ZNF608: variants seen among roughly 807,000 people sequenced by gnomAD.
ZNF608 encodes the protein zinc finger protein 608.
ZNF608 carries 12 observed loss-of-function variants against 109.0 expected under a neutral mutation model. That is an observed-to-expected ratio of 0.11 (90% confidence interval 0.07 to 0.18). The LOEUF (loss-of-function observed/expected upper bound fraction) is 0.18, where lower values mean the gene tolerates loss of function less well. Among genes scored for constraint, ZNF608 ranks in the 10% least tolerant of loss-of-function variants. ZNF608 has a pLI of 1.00. For synonymous variants in ZNF608, 732 were observed against 717.4 expected, an observed-to-expected ratio of 1.02 and a Z score of -0.33; for missense variants, 1,707 against 1,879.3, an observed-to-expected ratio of 0.91 and a Z score of 1.70.
chr5:124,641,190 A>G, intron 8 of ZNF608, 62 bp downstream of exon 8: 1 of 1,605,982 alleles, frequency 6.2e-7, no homozygotes, highest in Non-Finnish European at 8.5e-7. Context: ...GTGAAATGCA[A>G]TTTTAGCAAC....
Position 124,648,733 on chromosome 5 carries a change from C to T in ZNF608, c.1651G>A (p.Val551Met), listed in dbSNP as rs367601820. ...TFLDQGCSSP[V>M]LIDCPHPNCN... ...TTTGGGTGGGGACAGTCGATTAACA[C>T]TGGAGAAGAGCAGCCTTGGTCCAAA... is the stretch of plus-strand genomic sequence containing the variant. The change falls in exon 5 of 10, where the codon GTG (valine) becomes ATG (methionine). Residue 551 changes from valine to methionine, a missense_variant. Physicochemically the swap from Val to Met is conservative, Grantham distance 21. Around this residue, in one of 7 missense-constraint regions of ZNF608, gnomAD observed 166 missense variants for 204.2 expected, o/e 0.81. Transcript: ENST00000513986. 3.1e-6 allele frequency: 5 copies of T among 1,614,116 alleles called. No individual in the cohort carries two copies. Among genetic ancestry groups the T allele is most frequent in the Non-Finnish European group, 4.2e-6 (5 of 1,180,060 alleles).
intron 3 of ZNF608, among the ~76,000 whole-genome samples, chr5:124,693,993 T>TGA (rs1752730340): frequency 7.2e-6 from 1 of 139,434 alleles, no homozygotes; most frequent in South Asian, 2.4e-4. Context: ...TTTTTTTTTT[T>TGA]GAGAGAGAGT....
chr5:124,741,778 C>G (rs1487065374), intron 2 of ZNF608, among the ~76,000 whole-genome samples: 8 of 152,110 alleles, frequency 5.3e-5, no homozygotes, highest in African/African-American at 1.4e-4. Flanking sequence ...TTTCTGTGTG[C>G]CAAGGATGAA....
At chr5:124,660,101 T>C (rs1457930253) in intron 3 of ZNF608, among the ~76,000 whole-genome samples, 2 of 152,168 alleles carry the variant, frequency 1.3e-5, no homozygotes, top group Non-Finnish European at 2.9e-5. Context: ...TCTGCTATTA[T>C]TCCATTCACT....
At position 124,744,618 on chromosome 5, in the gene ZNF608, C is replaced by A. The variant is rs1749567385; in HGVS notation, c.372G>T (p.Leu124Phe). The A allele has an allele frequency of 6.2e-7, 1 of 1,614,232 alleles. No individual in the cohort carries two copies. Among genetic ancestry groups the A allele is most frequent in the African/African-American group, 1.3e-5 (1 of 75,062 alleles). ...TGCTGCTGATCTCGGGAATCCCATA[C>A]AAGGCAGCAGAAGGCAGAGATTTAT... ...DANKSLPSAA[L>F]YGIPEISSTG... Residue 124 changes from leucine to phenylalanine, a missense_variant, in exon 2 of 10, where the codon TTG (leucine) becomes TTT (phenylalanine). By Grantham distance (22) the Leu-to-Phe change is conservative. Coordinates refer to ENST00000513986, the MANE Select transcript of ZNF608 (RefSeq NM_020747.3). This position sits in a 1 kb window ranked among gnomAD's most constrained non-coding sequence, Gnocchi z 4.5.
Position 124,643,552 on chromosome 5 carries a change from G to T in ZNF608, c.4255C>A (p.Leu1419Ile). The part of the protein sequence containing the change: ...TTTESKALDL[L>I]QQHANQYRSK... ...CGGTATTGGTTAGCATGCTGCTGGA[G>T]CAAATCCAGTGCTTTAGATTCAGTG... Residue 1419 changes from leucine to isoleucine, a missense_variant, in exon 7 of 10, where the codon CTC (leucine) becomes ATC (isoleucine). By Grantham distance (5) the Leu-to-Ile change is conservative. Transcript: ENST00000513986. The T allele has an allele frequency of 6.2e-7, 1 of 1,614,206 alleles. No homozygotes were observed. Among genetic ancestry groups the T allele is most frequent in the Non-Finnish European group, 8.5e-7 (1 of 1,180,034 alleles).
intron 2 of ZNF608, among the ~76,000 whole-genome samples, chr5:124,737,320 G>A (rs1749196450): frequency 6.6e-6 from 1 of 152,188 alleles, no homozygotes; most frequent in South Asian, 2.1e-4. Flanking sequence ...TGACAATGAG[G>A]ATTCCCAGGA....
At chr5:124,704,493 T>C (rs1249350858) in intron 2 of ZNF608, among the ~76,000 whole-genome samples, 1 of 152,096 alleles carries the variant, frequency 6.6e-6, no homozygotes, top group African/African-American at 2.4e-5. Flanking sequence ...TCCTTAGAGG[T>C]CGCCAGCAAG....
intron 6 of ZNF608, 47 bp from the exon 7 acceptor site, chr5:124,643,730 T>A (rs916752324): frequency 7.6e-6 from 12 of 1,571,804 alleles, no homozygotes; most frequent in Non-Finnish European, 6.0e-6. Context: ...GCTATATCTT[T>A]AAAAAAAATC....
chr5:124,734,795 A>T (rs1749070146), intron 2 of ZNF608: 1 of 152,236 alleles, frequency 6.6e-6, no homozygotes, highest in Non-Finnish European at 1.5e-5. Context: ...GCCAAAGTAT[A>T]CTTAAACTAT....
At chr5:124,683,352 A>C (rs866789471) in intron 3 of ZNF608, among the ~76,000 whole-genome samples, 3 of 152,214 alleles carry the variant, frequency 2.0e-5, no homozygotes, top group African/African-American at 2.4e-5. Context: ...TATCATCTAG[A>C]ATAATGTGCT....
chr5:124,638,781 C>T (rs922392031), intron 9 of ZNF608: 7 of 1,032,530 alleles, frequency 6.8e-6, no homozygotes, highest in East Asian at 1.6e-4. Flanking sequence ...ACAAACATTA[C>T]CTTTAGCATT....
intron 2 of ZNF608, chr5:124,710,042 A>T: frequency 3.8e-6 from 1 of 260,814 alleles, no homozygotes; most frequent in Non-Finnish European, 7.7e-6. Context: ...TTAGCCAATA[A>T]ATCAATTTCA....
intron 3 of ZNF608, among the ~76,000 whole-genome samples, chr5:124,669,013 C>T (rs538724015): frequency 3.9e-5 from 6 of 152,068 alleles, no homozygotes; most frequent in Non-Finnish European, 8.8e-5. Context: ...AGAGAAGGAA[C>T]CAGAAGACTA....
chr5:124,667,909 A>C (rs938269883), intron 3 of ZNF608, among the ~76,000 whole-genome samples: 1 of 152,144 alleles, frequency 6.6e-6, no homozygotes, highest in African/African-American at 2.4e-5. Context: ...GTGCAAAGAG[A>C]GTGAACAGAA....
chr5:124,705,868 G>T (rs1753238016), intron 2 of ZNF608, among the ~76,000 whole-genome samples: 1 of 152,112 alleles, frequency 6.6e-6, no homozygotes, highest in African/African-American at 2.4e-5. Flanking sequence ...CTCATGCACT[G>T]CTGCCCTAAC....
At chr5:124,734,973 T>C (rs191331785) in intron 2 of ZNF608, 2 of 152,346 alleles carry the variant, frequency 1.3e-5, no homozygotes, top group Admixed American at 1.3e-4. Context: ...GGAAAAGTCT[T>C]ATTAAGTGAT....
At chr5:124,649,773 TTC>T (rs891891528) in intron 3 of ZNF608, 76 bp from the exon 4 acceptor site, 3 of 939,100 alleles carry the variant, frequency 3.2e-6, no homozygotes, top group Non-Finnish European at 4.5e-6. Context: ...TATTATTTTT[TTC>T]TCTTTTTTTT....
chr5:124,687,793 T>C (rs564853324), intron 3 of ZNF608, among the ~76,000 whole-genome samples: 5 of 152,302 alleles, frequency 3.3e-5, no homozygotes, highest in African/African-American at 7.2e-5. Context: ...GAAGGGCATA[T>C]AGGAATGCTT....
Sources: gnomAD v4.1 joint callset for allele counts (sites outside exome capture counted in the v4.1 genomes callset) on GRCh38, gnomAD v4.1.1 for gene constraint, gnomAD v4.1.1 regional missense constraint, Gnocchi (gnomAD v3.1) non-coding constraint, MANE v1.5 for transcripts, NCBI Gene and HGNC (gene_info 2026-07-23, HGNC 2026-07-21) for gene names.